SCNN1B: variants seen among roughly 807,000 people sequenced by gnomAD.
SCNN1B encodes the protein sodium channel epithelial 1 subunit beta.
SCNN1B carries 46 observed loss-of-function variants against 65.3 expected under a neutral mutation model. The observed-to-expected ratio is 0.70, with a 90% CI of 0.56 to 0.90. The LOEUF (loss-of-function observed/expected upper bound fraction) is 0.90, where lower values mean the gene tolerates loss of function less well. Ranked by LOEUF, SCNN1B falls within the 40% of genes least tolerant of loss-of-function variation. The pLI is 0.00. For missense variants in SCNN1B, 751 were observed against 830.5 expected, an observed-to-expected ratio of 0.90 and a Z score of 1.18; for synonymous variants, 349 against 330.6, an observed-to-expected ratio of 1.06 and a Z score of -0.60.
At chr16:23,285,100 A>C (rs1473199284) in intron 2 of SCNN1B, among the ~76,000 whole-genome samples, 1 of 152,228 alleles carries the variant, frequency 6.6e-6, no homozygotes, top group Non-Finnish European at 1.5e-5. Context: ...GTAACATTTA[A>C]ATAAAGTCTA....
intron 7 of SCNN1B, among the ~76,000 whole-genome samples, chr16:23,373,243 C>A (rs1962822467): frequency 1.3e-5 from 2 of 152,120 alleles, no homozygotes; most frequent in African/African-American, 4.8e-5. Context: ...CTCAGCCTCC[C>A]TAGTAGCCAG....
At chr16:23,294,909 C>T (rs1960974355) in intron 2 of SCNN1B, among the ~76,000 whole-genome samples, 1 of 152,096 alleles carries the variant, frequency 6.6e-6, no homozygotes, top group Non-Finnish European at 1.5e-5. Flanking sequence ...AGGAGAATCA[C>T]TTGAACCTGG....
At chr16:23,281,205 G>A (rs780132518) in intron 1 of SCNN1B, among the ~76,000 whole-genome samples, 6 of 152,192 alleles carry the variant, frequency 3.9e-5, no homozygotes, top group Non-Finnish European at 8.8e-5. Context: ...GGCCAAAGTG[G>A]GTGGTTCATC....
At chr16:23,351,346 G>A (rs1962304844) in intron 2 of SCNN1B, among the ~76,000 whole-genome samples, 1 of 152,132 alleles carries the variant, frequency 6.6e-6, no homozygotes, top group Non-Finnish European at 1.5e-5. Flanking sequence ...AGAGCCTCAG[G>A]GAGGTTAAGT....
chr16:23,288,300 A>G (rs1401607967), intron 2 of SCNN1B, among the ~76,000 whole-genome samples: 1 of 152,212 alleles, frequency 6.6e-6, no homozygotes, highest in African/African-American at 2.4e-5. Flanking sequence ...GCCAGAATAC[A>G]TTCTTGACTC....
At chr16:23,303,530 A>C (rs1004749) in intron 1 of SCNN1B, among the ~76,000 whole-genome samples, 32,303 of 151,972 alleles carry the variant, frequency 0.21, 3,501 homozygotes, top group Middle Eastern at 0.31. Flanking sequence ...CCAAAGGTAA[A>C]CACCTTCATA....
chr16:23,365,607 A>AAGAGAGAGAGAGAG (rs879286451), intron 4 of SCNN1B, among the ~76,000 whole-genome samples: 12 of 76,802 alleles, frequency 1.6e-4, no homozygotes, highest in South Asian at 1.1e-3. Context: ...GAAAGAAAGA[A>AAGAGAGAGAGAGAG]AGAAAGAAAG....
rs140609339 is a variant in SCNN1B, at chr16:23,380,772, G to A, written c.1894G>A (p.Glu632Lys). The change falls in exon 13 of 13, where the codon GAG becomes AAG. Residue 632 changes from glutamate (E) to lysine (K), a missense_variant. By Grantham distance (56) the Glu-to-Lys change is moderately conservative. Coordinates refer to ENST00000343070, the MANE Select transcript of SCNN1B (RefSeq NM_000336.3). This position sits in a 1 kb window ranked among gnomAD's most constrained non-coding sequence, Gnocchi z 5.4. ...GCGTCTGCAGCCGCTGGACGTCATC[G>A]AGTCTGACAGTGAGGGTGATGCCAT... ...SLRLQPLDVI[E>K]SDSEGDAI 6.2e-5 allele frequency: 100 copies of A among 1,612,360 alleles called. No homozygotes were observed. Among genetic ancestry groups the A allele is most frequent in the Middle Eastern group, 1.8e-4 (1 of 5,606 alleles).
In SCNN1B at chr16:23,380,427, T is replaced by C. The variant is rs750212640; in HGVS notation, c.1549T>C (p.Trp517Arg). ...IEESAANNIV[W>R]LLSNLGGQFG... is the part of the protein sequence containing the mutation. ...AGCTCCCTGTTCCCCACAGATCGTC[T>C]GGCTGCTCTCGAATCTGGGTGGCCA... Residue 517 changes from tryptophan (W) to arginine (R), a missense_variant, in exon 13 of 13, where the codon TGG (tryptophan) becomes CGG (arginine). Trp to Arg is a moderately radical substitution (Grantham distance 101). Transcript: ENST00000343070. This position sits in a 1 kb window ranked among gnomAD's most constrained non-coding sequence, Gnocchi z 5.4. 1.2e-6 allele frequency: 2 copies of C among 1,614,196 alleles called. No individual in the cohort carries two copies. The highest frequency in any genetic ancestry group is 1.7e-6 in the Non-Finnish European group (2 of 1,180,036).
At chr16:23,366,180 CTGTTTT>C (rs1962665390) in intron 4 of SCNN1B, among the ~76,000 whole-genome samples, 1 of 151,554 alleles carries the variant, frequency 6.6e-6, no homozygotes. Context: ...TCATTCCTTC[CTGTTTT>C]TATTTTTAAT....
chr16:23,338,289 C>G (rs1368152811), intron 1 of SCNN1B, among the ~76,000 whole-genome samples: 1 of 152,102 alleles, frequency 6.6e-6, no homozygotes, highest in African/African-American at 2.4e-5. Context: ...TGACAGCTTC[C>G]CTAAAACTCT....
intron 7 of SCNN1B, 69 bp downstream of exon 7, chr16:23,371,952 C>A: frequency 8.7e-7 from 1 of 1,145,628 alleles, no homozygotes; most frequent in Non-Finnish European, 1.3e-6. Context: ...GGCCTCAGTA[C>A]TCCGGGAGAG....
rs1443303812 is a variant in SCNN1B, at chr16:23,348,910, A to AT, written c.311_311+1insT (p.Lys104AsnfsTer14). The AT allele has an allele frequency of 6.2e-7, 1 of 1,613,918 alleles. No individual in the cohort carries two copies. Among genetic ancestry groups the AT allele is most frequent in the Non-Finnish European group, 8.5e-7 (1 of 1,179,960 alleles). On this transcript the variant is annotated frameshift_variant and splice_region_variant. Transcript: ENST00000343070. LOFTEE classifies it high-confidence loss of function. The surrounding 1 kb of genome is among the most constrained non-coding windows in gnomAD (Gnocchi z 4.5). ...ACCATCTGCAATGCTAGCCCCTTCA[A>AT]GTAGGTGGCCCCGGAGTGCACAGCT...
chr16:23,346,255 A>G (rs1184647423), intron 1 of SCNN1B, among the ~76,000 whole-genome samples: 1 of 116,466 alleles, frequency 8.6e-6, no homozygotes, highest in Admixed American at 1.2e-4. Flanking sequence ...TCTGTCGTCC[A>G]GGCTGGAGTG....
At chr16:23,371,717 T>G (rs924465445) in intron 6 of SCNN1B, 59 bp from the exon 7 acceptor site, 3 of 1,378,690 alleles carry the variant, frequency 2.2e-6, no homozygotes, top group Admixed American at 3.4e-5. Flanking sequence ...AGAAGGGAGG[T>G]GCAGAAAGGG....
chr16:23,337,630 G>A (rs954708114), intron 1 of SCNN1B, among the ~76,000 whole-genome samples: 9 of 151,770 alleles, frequency 5.9e-5, no homozygotes, highest in Non-Finnish European at 1.3e-4. Flanking sequence ...CACTCACCTC[G>A]GCCTCCCAAA....
chr16:23,319,434 G>T (rs556851405), intron 1 of SCNN1B, among the ~76,000 whole-genome samples: 2 of 151,972 alleles, frequency 1.3e-5, no homozygotes, highest in Non-Finnish European at 2.9e-5. Context: ...TCCACCAGCT[G>T]TTTTTTGTGC....
chr16:23,318,292 C>T (rs1961514053), intron 1 of SCNN1B, among the ~76,000 whole-genome samples: 1 of 152,174 alleles, frequency 6.6e-6, no homozygotes, highest in East Asian at 1.9e-4. Context: ...GTGCTTCCAT[C>T]TCCTCGTCTA....
At chr16:23,319,854 G>A (rs1016801137) in intron 1 of SCNN1B, among the ~76,000 whole-genome samples, 8 of 151,902 alleles carry the variant, frequency 5.3e-5, no homozygotes, top group Admixed American at 3.3e-4. Context: ...TGCAACCTCC[G>A]CTTCCTGGGT....
Sources: allele counts gnomAD v4.1 joint callset (sites outside exome capture counted in the v4.1 genomes callset), GRCh38; gene constraint gnomAD v4.1.1; non-coding constraint Gnocchi (gnomAD v3.1); transcripts MANE v1.5; gene names NCBI Gene and HGNC (gene_info 2026-07-23, HGNC 2026-07-21).